SPAG9: variants seen among roughly 807,000 people sequenced by gnomAD.
SPAG9 encodes the protein C-Jun-amino-terminal kinase-interacting protein 4.
Under a neutral mutation model 166.5 loss-of-function variants are expected in SPAG9, and 35 were observed. The ratio of observed to expected loss-of-function variants is 0.21; its 90% CI spans 0.16 to 0.28. The LOEUF (loss-of-function observed/expected upper bound fraction) is 0.28, where lower values mean the gene tolerates loss of function less well. SPAG9 is among the 10% of genes least tolerant of loss of function. The pLI is 1.00. For missense variants in SPAG9, 1,235 were observed against 1,603.3 expected (o/e 0.77, Z 3.92); for synonymous variants, 534 against 565.5 (o/e 0.94, Z 0.79).
At chr17:51,054,432 G>GT (rs1376359155) in intron 3 of SPAG9, among the ~76,000 whole-genome samples, 4 of 146,624 alleles carry the variant, frequency 2.7e-5, no homozygotes, top group East Asian at 2.0e-4. Flanking sequence ...CAAAATGTGG[G>GT]TTTTTTTGGC....
At chr17:51,077,029 T>G (rs201064097) in intron 2 of SPAG9, among the ~76,000 whole-genome samples, 3,328 of 64,792 alleles carry the variant, frequency 0.051, 150 homozygotes, top group African/African-American at 0.099. Context: ...TATCTAGCTA[T>G]CTATCTAGCT....
At chr17:51,079,852 A>C in intron 1 of SPAG9, 148 bp from the exon 2 acceptor site, 1 of 555,984 alleles carries the variant, frequency 1.8e-6, no homozygotes, top group Non-Finnish European at 3.0e-6. Context: ...TAGTTTTTCT[A>C]TAAAAATTAA....
intron 4 of SPAG9, among the ~76,000 whole-genome samples, chr17:51,045,981 A>C (rs1355310429): frequency 6.6e-6 from 1 of 152,236 alleles, no homozygotes; most frequent in African/African-American, 2.4e-5. Context: ...TCACTTTAAA[A>C]CATATTTTGT....
chr17:50,996,112 T>C (rs1251408866), intron 16 of SPAG9: 1 of 165,898 alleles, frequency 6.0e-6, no homozygotes, highest in Non-Finnish European at 1.3e-5. Context: ...CATGCATATG[T>C]GTTTGTACAT....
chr17:50,980,056 A>G, intron 25 of SPAG9, 139 bp from the exon 26 acceptor site: 1 of 741,680 alleles, frequency 1.3e-6, no homozygotes, highest in Non-Finnish European at 2.2e-6. Context: ...ACTCTTATAT[A>G]CACAATTGTT....
At chr17:51,074,163 G>A (rs2047901905) in intron 2 of SPAG9, among the ~76,000 whole-genome samples, 2 of 152,110 alleles carry the variant, frequency 1.3e-5, no homozygotes, top group Admixed American at 6.5e-5. Flanking sequence ...GTGAACCCGG[G>A]AGGCAGAGCT....
At chr17:50,970,958 A>G in intron 28 of SPAG9, 102 bp from the exon 29 acceptor site, 2 of 922,992 alleles carry the variant, frequency 2.2e-6, no homozygotes, top group Non-Finnish European at 3.3e-6. Flanking sequence ...AAAGGTAAAT[A>G]TATTCTAATA....
chr17:51,100,724 A>G (rs1355715674), intron 1 of SPAG9, among the ~76,000 whole-genome samples: 1 of 152,158 alleles, frequency 6.6e-6, no homozygotes, highest in Non-Finnish European at 1.5e-5. Flanking sequence ...GTTCCAGACC[A>G]GCCTGACTAA....
intron 2 of SPAG9, among the ~76,000 whole-genome samples, chr17:51,061,852 G>A (rs1304175031): frequency 6.6e-6 from 1 of 151,930 alleles, no homozygotes; most frequent in East Asian, 1.9e-4. Context: ...TAACCCATCA[G>A]GGTTACTTTT....
chr17:51,114,783 C>T (rs553441488), intron 1 of SPAG9, among the ~76,000 whole-genome samples: 1 of 152,234 alleles, frequency 6.6e-6, no homozygotes, highest in East Asian at 1.9e-4. Flanking sequence ...GAAACCCTGT[C>T]TCTACTGAAA....
At chr17:50,990,897 A>G (rs1975488120) in intron 19 of SPAG9, among the ~76,000 whole-genome samples, 1 of 151,852 alleles carries the variant, frequency 6.6e-6, no homozygotes, top group Admixed American at 6.6e-5. Flanking sequence ...TAAAAATGTC[A>G]GAAAATAAAC....
intron 2 of SPAG9, among the ~76,000 whole-genome samples, chr17:51,062,006 C>T (rs1481297397): frequency 6.6e-6 from 1 of 152,072 alleles, no homozygotes; most frequent in African/African-American, 2.4e-5. Flanking sequence ...AATATACATA[C>T]ATATCTATAT....
intron 8 of SPAG9, among the ~76,000 whole-genome samples, chr17:51,015,759 T>C (rs905162181): frequency 6.7e-6 from 1 of 149,210 alleles, no homozygotes; most frequent in Non-Finnish European, 1.5e-5. Flanking sequence ...CAGCAATTAG[T>C]ATAAAATAAA....
At chr17:51,086,141 A>G (rs1210842909) in intron 1 of SPAG9, among the ~76,000 whole-genome samples, 1 of 151,484 alleles carries the variant, frequency 6.6e-6, no homozygotes, top group Non-Finnish European at 1.5e-5. Context: ...CACCATACTC[A>G]GCTAATTTTT....
chr17:50,993,992 A>C (rs2143866492), intron 18 of SPAG9, 57 bp from the exon 19 acceptor site: 2 of 1,461,958 alleles, frequency 1.4e-6, no homozygotes, highest in East Asian at 4.6e-5. Context: ...AAATATTCAT[A>C]AGGTGGTGCT....
intron 2 of SPAG9, among the ~76,000 whole-genome samples, chr17:51,065,094 G>C (rs2047624059): frequency 6.6e-6 from 1 of 152,172 alleles, no homozygotes; most frequent in African/African-American, 2.4e-5. Context: ...TTGCACTCCA[G>C]CCTGGGCAAC....
intron 5 of SPAG9, among the ~76,000 whole-genome samples, chr17:51,036,204 T>A (rs2046577970): frequency 6.6e-6 from 1 of 152,124 alleles, no homozygotes; most frequent in Admixed American, 6.6e-5. Context: ...GCTCTGCCAA[T>A]CTCCACCTCA....
chr17:51,091,019 T>G (rs185312040), intron 1 of SPAG9, among the ~76,000 whole-genome samples: 9 of 151,824 alleles, frequency 5.9e-5, no homozygotes, highest in Admixed American at 3.9e-4. Flanking sequence ...CCCAGCACTT[T>G]GGGAGGCCAA....
chr17:51,017,752 T>C (rs1289690283), intron 8 of SPAG9, among the ~76,000 whole-genome samples: 1 of 152,182 alleles, frequency 6.6e-6, no homozygotes, highest in Non-Finnish European at 1.5e-5. Context: ...TGGGGCATTT[T>C]GCAATGATTT....
Sources: allele counts gnomAD v4.1 joint callset (sites outside exome capture counted in the v4.1 genomes callset), GRCh38; gene constraint gnomAD v4.1.1; transcripts MANE v1.5; gene names NCBI Gene and HGNC (gene_info 2026-07-23, HGNC 2026-07-21).